KLHL18: variants seen among roughly 807,000 people sequenced by gnomAD.
The protein encoded by KLHL18 is kelch like family member 18.
KLHL18 carries 38 observed loss-of-function variants against 58.5 expected under a neutral mutation model. The observed-to-expected ratio is 0.65, with a 90% CI of 0.50 to 0.85. The LOEUF (loss-of-function observed/expected upper bound fraction) is 0.85. Ranked by LOEUF, KLHL18 falls within the 40% of genes least tolerant of loss-of-function variation. The probability of loss-of-function intolerance (pLI) is 0.00; values close to 1 mark genes in which losing one functional copy is unlikely to be tolerated. For missense variants in KLHL18, 624 were observed against 778.4 expected, an observed-to-expected ratio of 0.80 and a Z score of 2.36; for synonymous variants, 303 against 301.9, an observed-to-expected ratio of 1.00 and a Z score of -0.04.
chr3:47,315,334 C>G (rs567000068), intron 1 of KLHL18, among the ~76,000 whole-genome samples: 6 of 152,288 alleles, frequency 3.9e-5, no homozygotes, highest in South Asian at 2.1e-4. Flanking sequence ...CCCCCTCCCC[C>G]ACTCTCTCAG....
intron 1 of KLHL18, among the ~76,000 whole-genome samples, chr3:47,316,707 GTATA>G (rs1224270640): frequency 5.2e-5 from 2 of 38,176 alleles, no homozygotes; most frequent in African/African-American, 8.7e-5. Context: ...ACATATATAC[GTATA>G]TATGTATATG....
intron 1 of KLHL18, among the ~76,000 whole-genome samples, chr3:47,299,698 A>G (rs1214661782): frequency 6.6e-6 from 1 of 151,742 alleles, no homozygotes; most frequent in African/African-American, 2.4e-5. Context: ...GTTGTGGCAC[A>G]TGCCTGTAGT....
At chr3:47,312,341 G>A (rs2107614733) in intron 1 of KLHL18, among the ~76,000 whole-genome samples, 1 of 152,242 alleles carries the variant, frequency 6.6e-6, no homozygotes, top group Non-Finnish European at 1.5e-5. Context: ...TCTACTGTCT[G>A]ATTCCATTTC....
chr3:47,324,298 C>CTTTTCTTTTTTTTTTT (rs1703660085), intron 3 of KLHL18, among the ~76,000 whole-genome samples: 2 of 37,486 alleles, frequency 5.3e-5, no homozygotes, highest in South Asian at 1.6e-3. Flanking sequence ...TTCTTTCTTT[C>CTTTTCTTTTTTTTTTT]TTTTTTTTTT....
At chr3:47,330,457 A>T (rs965492126) in intron 4 of KLHL18, among the ~76,000 whole-genome samples, 11 of 151,812 alleles carry the variant, frequency 7.2e-5, no homozygotes, top group Admixed American at 2.6e-4. Context: ...ATACCACCAC[A>T]CCCAGCTAGT....
intron 6 of KLHL18, 46 bp from the exon 7 acceptor site, chr3:47,336,489 C>T (rs1192068488): frequency 6.5e-7 from 1 of 1,530,554 alleles, no homozygotes; most frequent in Admixed American, 1.7e-5. Context: ...GTGCTCTAAA[C>T]AAGTGGTCTC....
intron 4 of KLHL18, among the ~76,000 whole-genome samples, chr3:47,331,027 C>T (rs554283429): frequency 5.9e-5 from 9 of 151,342 alleles, no homozygotes; most frequent in South Asian, 2.1e-4. Flanking sequence ...CCACTGTGCC[C>T]GGCCTAGTAT....
intron 3 of KLHL18, among the ~76,000 whole-genome samples, chr3:47,324,492 G>T (rs1703669377): frequency 6.6e-6 from 1 of 150,884 alleles, no homozygotes; most frequent in Non-Finnish European, 1.5e-5. Context: ...TGTCAACACT[G>T]GATCCAGGCT....
At chr3:47,289,899 T>G (rs1702755623) in intron 1 of KLHL18, among the ~76,000 whole-genome samples, 1 of 152,088 alleles carries the variant, frequency 6.6e-6, no homozygotes. Flanking sequence ...GGATGAGAAA[T>G]TACTGGGTAC....
In KLHL18 at chr3:47,341,907, AAAAAAAAAAAGGAGAGAGAG is replaced by A. The variant is rs1277220050; in HGVS notation, c.1227-804_1227-785del. ...GACCCTGTCTCTTTTAAAAAAAAAAAAAAAAAAAAAGGAGAGAGAGAAAAAAACATTAGCCAGGCATGGTG... is the reference window on the plus strand; with the variant it reads ...GACCCTGTCTCTTTTAAAAAAAAAAAAAAAAAACATTAGCCAGGCATGGTG... On this transcript the variant is annotated intron_variant, in intron 8 of 9. Transcript: ENST00000232766. Among the ~76,000 whole-genome samples the A allele has an allele frequency of 6.2e-4, 94 of 151,706 alleles. 2 individuals are homozygous for A. In the South Asian group the frequency reaches 0.019, roughly 30 times the overall value.
At chr3:47,309,544 C>A (rs1033727274) in intron 1 of KLHL18, among the ~76,000 whole-genome samples, 3 of 152,108 alleles carry the variant, frequency 2.0e-5, no homozygotes, top group Non-Finnish European at 4.4e-5. Flanking sequence ...GGGCTCCTCA[C>A]GTCCCAGATG....
At chr3:47,319,898 A>G (rs1205501154) in intron 2 of KLHL18, 115 bp downstream of exon 2, 6 of 1,097,296 alleles carry the variant, frequency 5.5e-6, no homozygotes, top group South Asian at 1.4e-5. Context: ...CTAGCTCTAC[A>G]CAAATAATAA....
intron 3 of KLHL18, among the ~76,000 whole-genome samples, chr3:47,323,394 C>T (rs932743797): frequency 6.6e-6 from 1 of 152,096 alleles, no homozygotes; most frequent in Non-Finnish European, 1.5e-5. Flanking sequence ...ATTTCTTGAC[C>T]TTCCTTTTCA....
At chr3:47,324,653 C>T (rs2107637439) in intron 3 of KLHL18, among the ~76,000 whole-genome samples, 1 of 151,916 alleles carries the variant, frequency 6.6e-6, no homozygotes. Context: ...TATGGCAGAG[C>T]AAGACCCTGT....
intron 1 of KLHL18, among the ~76,000 whole-genome samples, chr3:47,300,637 C>CTTTTTTTTTTTTTT (rs10687949): frequency 7.8e-5 from 6 of 76,918 alleles, no homozygotes; most frequent in Non-Finnish European, 1.1e-4. Flanking sequence ...CATTGTGATT[C>CTTTTTTTTTTTTTT]TTTTTTTTTT....
At chr3:47,308,189 TC>T (rs1280814050) in intron 1 of KLHL18, among the ~76,000 whole-genome samples, 1 of 151,906 alleles carries the variant, frequency 6.6e-6, no homozygotes, top group African/African-American at 2.4e-5. Flanking sequence ...GGGCATTCTT[TC>T]CATGCAGTCT....
chr3:47,339,720 G>A (rs295456), intron 7 of KLHL18, among the ~76,000 whole-genome samples: 145,865 of 152,200 alleles, frequency 0.96, 70,221 homozygotes, highest in East Asian at 1. Flanking sequence ...GGTCACACAG[G>A]TGAAGGCCCT....
At chr3:47,283,688 G>C (rs182410448) in intron 1 of KLHL18, among the ~76,000 whole-genome samples, 1 of 152,336 alleles carries the variant, frequency 6.6e-6, no homozygotes, top group East Asian at 1.9e-4. Context: ...TGGGCCTGCT[G>C]GCCGCGTGGG....
At chr3:47,327,740 TGAAATAACTATGTA>T (rs1703759310) in intron 3 of KLHL18, among the ~76,000 whole-genome samples, 1 of 152,238 alleles carries the variant, frequency 6.6e-6, no homozygotes. Flanking sequence ...CAGGCTGGAA[TGAAATAACTATGTA>T]GAATTTTGAC....
Sources: allele counts gnomAD v4.1 joint callset (sites outside exome capture counted in the v4.1 genomes callset), GRCh38; gene constraint gnomAD v4.1.1; transcripts MANE v1.5; gene names NCBI Gene and HGNC (gene_info 2026-07-23, HGNC 2026-07-21).